Variants in SNX14 observed in about 807,000 individuals in gnomAD.
SNX14 encodes the protein sorting nexin-14.
A neutral mutation model predicts 133.8 loss-of-function variants in SNX14; 93 were observed. That is an observed-to-expected ratio of 0.70 (90% CI 0.59 to 0.83). The LOEUF (loss-of-function observed/expected upper bound fraction) is 0.83. Among genes scored for constraint, SNX14 ranks in the 40% least tolerant of loss-of-function variants. The pLI is 0.00. For missense variants in SNX14, 945 were observed against 1,094.9 expected, an observed-to-expected ratio of 0.86 and a Z score of 1.93; for synonymous variants, 368 against 365.6, an observed-to-expected ratio of 1.01 and a Z score of -0.07.
At chr6:85,543,154 C>T (rs368592913) in intron 14 of SNX14, 28 bp downstream of exon 14, 18 of 1,491,920 alleles carry the variant, frequency 1.2e-5, no homozygotes, top group African/African-American at 5.8e-5. Flanking sequence ...TATAAAAATC[C>T]TCAAACAAGG....
chr6:85,546,984 AG>A, intron 12 of SNX14, 127 bp downstream of exon 12: 5 of 624,370 alleles, frequency 8.0e-6, no homozygotes, highest in Admixed American at 3.4e-5. Context: ...AAAAAAAAAA[AG>A]GAAATCGAGT....
In SNX14 at chr6:85,555,753, G is replaced by A. The variant is rs114941569; in HGVS notation, c.634+2223C>T. ...GCCTGTAATCTCAGCATTTTGGGAG[G>A]CCAAGGCGTGTGGATCAGCTGAGGT... On this transcript the variant is annotated intron_variant, in intron 7 of 28. Transcript: ENST00000314673. Among the ~76,000 whole-genome samples, 209 of 152,288 alleles carry A rather than the reference G, an allele frequency of 1.4e-3. 1 individual carries two copies. The highest frequency in any genetic ancestry group is 4.9e-3 in the African/African-American group (202 of 41,572).
intron 4 of SNX14, among the ~76,000 whole-genome samples, chr6:85,571,359 CAA>C (rs55696922): frequency 3.0e-4 from 16 of 53,284 alleles, no homozygotes; most frequent in Non-Finnish European, 3.2e-4. Context: ...GACTCCATCT[CAA>C]AAAAAAAAAA....
intron 1 of SNX14, chr6:85,588,928 AGAG>A (rs766545592): frequency 1.1e-5 from 5 of 454,806 alleles, no homozygotes; most frequent in South Asian, 7.8e-5. Context: ...GGTAGGCTGA[AGAG>A]GAGGGGTTGG....
intron 1 of SNX14, among the ~76,000 whole-genome samples, chr6:85,583,111 A>T (rs1218519738): frequency 6.6e-6 from 1 of 152,222 alleles, no homozygotes; most frequent in Non-Finnish European, 1.5e-5. Flanking sequence ...ACATACACAA[A>T]TCAATAAACA....
At chr6:85,567,995 A>C (rs976900073) in intron 4 of SNX14, 2 of 152,560 alleles carry the variant, frequency 1.3e-5, no homozygotes, top group Non-Finnish European at 1.5e-5. Context: ...AAAAACAAAA[A>C]ACAAATAACG....
chr6:85,526,424 A>G (rs1778499446), intron 20 of SNX14, among the ~76,000 whole-genome samples, 187 bp from the exon 21 acceptor site: 1 of 152,208 alleles, frequency 6.6e-6, no homozygotes, highest in South Asian at 2.1e-4. Context: ...TTATAGTCAG[A>G]TATGAATGGG....
At position 85,574,110 on chromosome 6, in the gene SNX14, T is replaced by TA. The variant is rs777427563; in HGVS notation, c.261+147dup. ...AAATCACTGCTTTTAGCAGAGTACC[T>TA]AAAAAAAACAAAAAAAAAAAAGAGA... On this transcript the variant is annotated intron_variant, in intron 2 of 28. Transcript: ENST00000314673. The TA allele has an allele frequency of 0.015, 6,486 of 432,438 alleles. 50 individuals carry two copies. The highest frequency in any genetic ancestry group is 0.032 in the Middle Eastern group (49 of 1,518). 26.8% of individuals were successfully genotyped at this position (432,438 alleles called of 1,614,324 possible). A position where few individuals can be genotyped will look rare whatever the true frequency, so the allele number is the denominator to read the frequency against.
intron 26 of SNX14, among the ~76,000 whole-genome samples, chr6:85,511,985 T>C (rs1772996464): frequency 6.6e-6 from 1 of 152,206 alleles, no homozygotes; most frequent in South Asian, 2.1e-4. Context: ...TCTCAATCTT[T>C]TAGTGAGCTT....
chr6:85,527,578 G>T (rs1778901536), intron 20 of SNX14, among the ~76,000 whole-genome samples: 1 of 152,012 alleles, frequency 6.6e-6, no homozygotes, highest in South Asian at 2.1e-4. Context: ...CCCAAATAAA[G>T]TATTTTTTTA....
At chr6:85,565,878 C>G (rs1003089475) in intron 5 of SNX14, among the ~76,000 whole-genome samples, 8 of 152,146 alleles carry the variant, frequency 5.3e-5, no homozygotes, top group African/African-American at 1.9e-4. Flanking sequence ...AACTGAAACT[C>G]AGACATTTTG....
At chr6:85,574,616 T>C (rs1012580904) in intron 1 of SNX14, among the ~76,000 whole-genome samples, 6 of 152,254 alleles carry the variant, frequency 3.9e-5, no homozygotes, top group Non-Finnish European at 7.3e-5. Context: ...TCATAATTGG[T>C]ACCTATGTTT....
Position 85,528,358 on chromosome 6 carries a change from T to G in SNX14, c.1899A>C (p.Ala633=). The change falls in exon 20 of 29, where the codon GCA becomes GCC. Residue 633 remains alanine (A), a synonymous_variant. Transcript: ENST00000314673. ...TAGAAGGAAGCTGGGCATCAGGAAA[T>G]GCACCTGAAATTAGTATATATTATA... is the stretch of plus-strand genomic sequence containing the variant. ...LESKLTEFHG[A]FPDAQLPSKR... is the part of the protein sequence containing the mutation. 6 of 1,610,670 alleles carry G rather than the reference T, an allele frequency of 3.7e-6. No individual in the cohort carries two copies. The highest frequency in any genetic ancestry group is 5.1e-6 in the Non-Finnish European group (6 of 1,177,842).
chr6:85,511,445 C>A (rs1262722727), intron 26 of SNX14, among the ~76,000 whole-genome samples: 1 of 152,156 alleles, frequency 6.6e-6, no homozygotes, highest in Non-Finnish European at 1.5e-5. Context: ...ACTTCGAGTA[C>A]AATGTTGAAA....
intron 19 of SNX14, among the ~76,000 whole-genome samples, chr6:85,529,830 A>G (rs1461064796): frequency 6.6e-6 from 1 of 152,232 alleles, no homozygotes; most frequent in Non-Finnish European, 1.5e-5. Context: ...ACAAAAAAAA[A>G]TAGCTGGAAA....
chr6:85,543,722 T>G lies in SNX14; in HGVS notation c.1147A>C (p.Asn383His), dbSNP rs747011090. 6.4e-7 allele frequency: 1 copy of G among 1,572,952 alleles called. No homozygotes were observed. The highest frequency in any genetic ancestry group is 8.6e-7 in the Non-Finnish European group (1 of 1,158,456). Reference protein sequence around the residue: ...NDRILRPELSNDEMLSLHEEL... With the variant: ...NDRILRPELSHDEMLSLHEEL... ...TCATGAAGAGACAGCATTTCATCATTTGATAATTCTGGTCGTAAAATTCTA... is the reference window on the plus strand; with the variant it reads ...TCATGAAGAGACAGCATTTCATCATGTGATAATTCTGGTCGTAAAATTCTA... Residue 383 changes from asparagine (N) to histidine (H), a missense_variant, in exon 13 of 29, where the codon AAT becomes CAT. Transcript: ENST00000314673.
At chr6:85,557,945 T>C (rs1285781341) in intron 7 of SNX14, 31 bp downstream of exon 7, 1 of 1,329,660 alleles carries the variant, frequency 7.5e-7, no homozygotes, top group Non-Finnish European at 1.1e-6. Context: ...AAAAACAAAA[T>C]TACTCAAACT....
Position 85,543,658 on chromosome 6 carries a change from T to G in SNX14, c.1211A>C (p.Glu404Ala), listed in dbSNP as rs2128075291. ...ATCAAATCTAATTTTGTCAATACTTTCATCCAAACAGTATGTTTTATAAAT... is the reference window on the plus strand; with the variant it reads ...ATCAAATCTAATTTTGTCAATACTTGCATCCAAACAGTATGTTTTATAAAT... The part of the protein sequence containing the change: ...QKIYKTYCLD[E>A]SIDKIRFDPF... Residue 404 changes from glutamate (E) to alanine (A), a missense_variant, in exon 13 of 29, where the codon GAA (glutamate) becomes GCA (alanine). This residue lies in a region of SNX14 where 514 missense variants were observed against 538.8 expected (regional missense o/e 0.95). Transcript: ENST00000314673. The G allele has an allele frequency of 6.3e-7, 1 of 1,589,134 alleles. No homozygotes were observed.
intron 4 of SNX14, among the ~76,000 whole-genome samples, chr6:85,570,725 C>T (rs925380700): frequency 3.3e-5 from 5 of 151,806 alleles, no homozygotes; most frequent in East Asian, 1.9e-4. Flanking sequence ...TGGTGGTGTG[C>T]GCTTGTAGTC....
Sources: allele counts gnomAD v4.1 joint callset (sites outside exome capture counted in the v4.1 genomes callset), GRCh38; gene constraint gnomAD v4.1.1; regional missense constraint gnomAD v4.1.1; transcripts MANE v1.5; gene names NCBI Gene and HGNC (gene_info 2026-07-23, HGNC 2026-07-21).